Variants in ST6GALNAC5 observed in about 807,000 individuals in gnomAD.
ST6GALNAC5 encodes the protein alpha-N-acetylgalactosaminide alpha-2,6-sialyltransferase 5.
Under a neutral mutation model 33.6 loss-of-function variants are expected in ST6GALNAC5, and 27 were observed. The observed-to-expected ratio is 0.80, with a 90% CI of 0.59 to 1.11. ST6GALNAC5 has a LOEUF of 1.11. Among genes scored for constraint, ST6GALNAC5 ranks in the 50% least tolerant of loss-of-function variants. The pLI is 0.00. For missense variants in ST6GALNAC5, 428 were observed against 454.0 expected (o/e 0.94, Z 0.52); for synonymous variants, 194 against 171.2 (o/e 1.13, Z -1.04).
intron 2 of ST6GALNAC5, among the ~76,000 whole-genome samples, chr1:76,955,181 C>T (rs1391704557): frequency 1.2e-4 from 18 of 152,140 alleles, no homozygotes; most frequent in Admixed American, 1.1e-3. Context: ...ACAGAGTTTG[C>T]TCAGTGGCAG....
At chr1:77,050,105 G>A (rs1652170343) in intron 3 of ST6GALNAC5, among the ~76,000 whole-genome samples, 153 bp from the exon 4 acceptor site, 1 of 152,228 alleles carries the variant, frequency 6.6e-6, no homozygotes. Context: ...AGTAAGAGAT[G>A]TCAATTTGAT....
intron 2 of ST6GALNAC5, among the ~76,000 whole-genome samples, chr1:76,979,415 G>A (rs970739499): frequency 7.2e-5 from 11 of 152,054 alleles, no homozygotes; most frequent in African/African-American, 2.7e-4. Flanking sequence ...GCATGGTACT[G>A]GCATAAAAAC....
intron 2 of ST6GALNAC5, among the ~76,000 whole-genome samples, chr1:76,917,384 G>A (rs1570670945): frequency 6.6e-6 from 1 of 152,172 alleles, no homozygotes; most frequent in South Asian, 2.1e-4. Context: ...GCTAAATATT[G>A]TCAACAGTGT....
Position 77,048,192 on chromosome 1 carries a change from C to T in ST6GALNAC5, c.672-2066C>T, listed in dbSNP as rs1254573102. Among the ~76,000 whole-genome samples, 6 of 152,356 alleles carry T rather than the reference C, an allele frequency of 3.9e-5. No individual in the cohort carries two copies. The East Asian group carries it at 7.7e-4, about 20-fold the overall frequency. On this transcript the variant is annotated intron_variant, in intron 3 of 4. Transcript: ENST00000477717. ...GTATTCAGGCTGTGGTTTACAATCT[C>T]TACTACATCACATAAAACAGAACCA...
intron 2 of ST6GALNAC5, among the ~76,000 whole-genome samples, chr1:76,878,224 A>G (rs2100918786): frequency 6.6e-6 from 1 of 152,232 alleles, no homozygotes; most frequent in Non-Finnish European, 1.5e-5. Context: ...AATGGCTTCC[A>G]TTTGGCCTTT....
At chr1:76,974,773 C>CTT (rs60357939) in intron 2 of ST6GALNAC5, among the ~76,000 whole-genome samples, 5,365 of 35,118 alleles carry the variant, frequency 0.15, 1,438 homozygotes, top group Non-Finnish European at 0.17. Context: ...TTCTTTCTTT[C>CTT]TTTTTTTTTT....
intron 2 of ST6GALNAC5, among the ~76,000 whole-genome samples, chr1:76,946,864 T>A (rs1176982294): frequency 6.6e-6 from 1 of 152,148 alleles, no homozygotes; most frequent in Non-Finnish European, 1.5e-5. Context: ...ATAAATAGAT[T>A]GATGTCCTAC....
intron 2 of ST6GALNAC5, among the ~76,000 whole-genome samples, chr1:76,943,805 A>T (rs1357329): frequency 0.12 from 18,985 of 152,116 alleles, 1,259 homozygotes; most frequent in South Asian, 0.27. Flanking sequence ...TTAATTCAGT[A>T]TTGTGTCAAG....
At chr1:77,045,615 T>G (rs992810050) in intron 3 of ST6GALNAC5, among the ~76,000 whole-genome samples, 5 of 152,160 alleles carry the variant, frequency 3.3e-5, no homozygotes, top group African/African-American at 1.2e-4. Flanking sequence ...CTCAAAAAGA[T>G]GTACATAAGC....
At chr1:76,893,949 G>A (rs182473975) in intron 2 of ST6GALNAC5, among the ~76,000 whole-genome samples, 24 of 152,246 alleles carry the variant, frequency 1.6e-4, no homozygotes, top group South Asian at 6.2e-4. Flanking sequence ...ATGAGCCACC[G>A]CGCCCAGCCT....
chr1:76,984,403 T>C (rs2100386144), intron 2 of ST6GALNAC5, among the ~76,000 whole-genome samples: 1 of 152,112 alleles, frequency 6.6e-6, no homozygotes, highest in Middle Eastern at 3.4e-3. Context: ...AAAAATAAAC[T>C]GGAAAGTCTA....
At chr1:76,884,624 G>T (rs541994376) in intron 2 of ST6GALNAC5, among the ~76,000 whole-genome samples, 9 of 152,218 alleles carry the variant, frequency 5.9e-5, no homozygotes, top group African/African-American at 1.9e-4. Flanking sequence ...ACTAGAGTAA[G>T]AAATGACACC....
In ST6GALNAC5 at chr1:76,878,380, G is replaced by C. The variant is rs190401144; in HGVS notation, c.261+9638G>C. ...TGGGGACCCACCAGACCCACTGTAAGTCAGACCTGAGCTAAAACTCCATTA... is the reference window on the plus strand; with the variant it reads ...TGGGGACCCACCAGACCCACTGTAACTCAGACCTGAGCTAAAACTCCATTA... On this transcript the variant is annotated intron_variant, in intron 2 of 4. Coordinates refer to ENST00000477717, the MANE Select transcript of ST6GALNAC5 (RefSeq NM_030965.3). Among the ~76,000 whole-genome samples, 4 of 152,228 alleles carry C rather than the reference G, an allele frequency of 2.6e-5. No individual in the cohort carries two copies. In the East Asian group the frequency reaches 7.7e-4, roughly 29 times the overall value.
chr1:76,969,207 G>T (rs1648631527), intron 2 of ST6GALNAC5, among the ~76,000 whole-genome samples: 1 of 152,218 alleles, frequency 6.6e-6, no homozygotes, highest in South Asian at 2.1e-4. Context: ...AGCCGAAGCA[G>T]GGTGGTGCAT....
intron 2 of ST6GALNAC5, among the ~76,000 whole-genome samples, chr1:77,032,765 C>T (rs2100449686): frequency 6.6e-6 from 1 of 152,266 alleles, no homozygotes; most frequent in Admixed American, 6.5e-5. Context: ...ATATTTTTCT[C>T]ATTTGGTTGA....
At position 77,066,728 on chromosome 1, in the gene ST6GALNAC5, T is replaced by G. The variant is rs1652790952; in HGVS notation, c.*3522T>G. On this transcript the variant is annotated 3_prime_UTR_variant, in exon 5 of 5. Transcript: ENST00000477717. ...CAGTGTTGGGAGGTGATGTTAACAC[T>G]CTACATGTTTTGTATCTGACCCAAT... is the stretch of plus-strand genomic sequence containing the variant. Among the ~76,000 whole-genome samples, 1 of 152,196 alleles carries G rather than the reference T, an allele frequency of 6.6e-6. No homozygotes were observed. The highest frequency in any genetic ancestry group is 1.5e-5 in the Non-Finnish European group (1 of 68,026).
At chr1:77,060,200 G>A (rs1258725175) in intron 4 of ST6GALNAC5, 4 of 152,208 alleles carry the variant, frequency 2.6e-5, no homozygotes, top group African/African-American at 9.7e-5. Context: ...TTGGGGAACT[G>A]GTTCTGTGGT....
intron 2 of ST6GALNAC5, among the ~76,000 whole-genome samples, chr1:76,898,912 C>T (rs990506232): frequency 6.6e-6 from 1 of 151,942 alleles, no homozygotes; most frequent in African/African-American, 2.4e-5. Context: ...CTCAGTGACA[C>T]TTGGGGTTGG....
intron 2 of ST6GALNAC5, among the ~76,000 whole-genome samples, chr1:76,997,898 G>A (rs1649996323): frequency 6.6e-6 from 1 of 152,140 alleles, no homozygotes. Context: ...CATGTGTTAA[G>A]AGCGAGACCA....
Sources: allele counts gnomAD v4.1 joint callset (sites outside exome capture counted in the v4.1 genomes callset), GRCh38; gene constraint gnomAD v4.1.1; transcripts MANE v1.5; gene names NCBI Gene and HGNC (gene_info 2026-07-23, HGNC 2026-07-21).